The following EPHA6 variants were observed in gnomAD, a reference collection of about 807,000 sequenced individuals.
EPHA6 encodes EPH receptor A6.
Under a neutral mutation model 112.0 loss-of-function variants are expected in EPHA6, and 50 were observed. The observed-to-expected ratio is 0.45, with a 90% CI of 0.36 to 0.56. The LOEUF (loss-of-function observed/expected upper bound fraction) is 0.56. EPHA6 is among the 20% of genes least tolerant of loss of function. EPHA6 has a pLI of 0.00. For missense variants in EPHA6, 1,280 were observed against 1,417.4 expected (o/e 0.90, Z 1.56); for synonymous variants, 529 against 490.7 (o/e 1.08, Z -1.03).
In EPHA6 at chr3:97,687,455, T is replaced by C. The variant is rs537505472; in HGVS notation, c.2785-32806T>C. ...CAAACTGGAAGCAAGGTGTTTTTTT[T>C]CATTGGAAATTGTCAGAGATCGTAA... On this transcript the variant is annotated intron_variant, in intron 14 of 17. Transcript: ENST00000389672. 4.6e-5 allele frequency among the ~76,000 whole-genome samples: 7 copies of C among 152,326 alleles called. No homozygotes were observed. In the South Asian group the frequency reaches 6.2e-4, roughly 14 times the overall value.
chr3:96,996,424 G>A (rs1260441316), intron 3 of EPHA6, among the ~76,000 whole-genome samples: 1 of 152,038 alleles, frequency 6.6e-6, no homozygotes, highest in African/African-American at 2.4e-5. Context: ...TACTTTGCCG[G>A]ATCCATTGGA....
chr3:96,869,608 A>G (rs1011759606), intron 2 of EPHA6, among the ~76,000 whole-genome samples: 9 of 152,058 alleles, frequency 5.9e-5, no homozygotes, highest in African/African-American at 2.2e-4. Flanking sequence ...CACATTTTGC[A>G]AGACTTAGAA....
intron 4 of EPHA6, among the ~76,000 whole-genome samples, chr3:97,241,081 A>C (rs1441861210): frequency 6.6e-6 from 1 of 151,824 alleles, no homozygotes; most frequent in African/African-American, 2.4e-5. Context: ...CCTTGCTATA[A>C]GTATCTCGTA....
At chr3:97,639,535 A>T (rs115414997) in intron 14 of EPHA6, among the ~76,000 whole-genome samples, 2,365 of 152,242 alleles carry the variant, frequency 0.016, 70 homozygotes, top group African/African-American at 0.054. Context: ...TCTACTAAAA[A>T]ATAAAATATG....
chr3:97,628,700 G>T (rs1394533070), intron 13 of EPHA6, among the ~76,000 whole-genome samples: 1 of 151,944 alleles, frequency 6.6e-6, no homozygotes, highest in African/African-American at 2.4e-5. Flanking sequence ...AAATTAAAGA[G>T]ATCTTTTAAA....
At chr3:97,240,945 A>G (rs2078827962) in intron 4 of EPHA6, among the ~76,000 whole-genome samples, 3 of 151,862 alleles carry the variant, frequency 2.0e-5, no homozygotes, top group African/African-American at 4.8e-5. Flanking sequence ...ATGTTTAAAA[A>G]CAATTTACAT....
intron 3 of EPHA6, among the ~76,000 whole-genome samples, chr3:97,215,058 A>G (rs765487775): frequency 6.6e-6 from 1 of 152,212 alleles, no homozygotes; most frequent in South Asian, 2.1e-4. Flanking sequence ...AGGCTATTGA[A>G]CACCATGAGG....
chr3:96,981,164 C>G (rs1423380859), intron 2 of EPHA6, among the ~76,000 whole-genome samples: 1 of 152,060 alleles, frequency 6.6e-6, no homozygotes, highest in Admixed American at 6.6e-5. Flanking sequence ...TTTGCCCATT[C>G]AGTATGATAT....
At chr3:97,500,466 G>T (rs1419106242) in intron 10 of EPHA6, among the ~76,000 whole-genome samples, 2 of 152,002 alleles carry the variant, frequency 1.3e-5, no homozygotes, top group East Asian at 3.9e-4. Context: ...TGGAGGGGCA[G>T]GTGCTACATA....
At chr3:97,642,974 C>G (rs1576178351) in intron 14 of EPHA6, among the ~76,000 whole-genome samples, 2 of 150,466 alleles carry the variant, frequency 1.3e-5, no homozygotes, top group African/African-American at 4.9e-5. Flanking sequence ...AGAGCAACCC[C>G]AAGACACATA....
chr3:97,143,612 G>A (rs557332816), intron 3 of EPHA6, among the ~76,000 whole-genome samples: 18 of 151,828 alleles, frequency 1.2e-4, no homozygotes, highest in African/African-American at 4.3e-4. Context: ...CTAAACATGA[G>A]ATAGTAAAGT....
At chr3:96,879,335 CAT>C (rs1405752052) in intron 2 of EPHA6, among the ~76,000 whole-genome samples, 2 of 151,912 alleles carry the variant, frequency 1.3e-5, no homozygotes, top group Admixed American at 6.6e-5. Context: ...AAATGTATAA[CAT>C]ATCATTTTCA....
chr3:97,113,067 G>A (rs2047771848), intron 3 of EPHA6, among the ~76,000 whole-genome samples: 1 of 152,100 alleles, frequency 6.6e-6, no homozygotes, highest in Non-Finnish European at 1.5e-5. Context: ...TCTCTGCTAT[G>A]TGTCAGGCCC....
chr3:97,251,406 T>C (rs1180919155), intron 5 of EPHA6, among the ~76,000 whole-genome samples: 1 of 151,908 alleles, frequency 6.6e-6, no homozygotes, highest in Non-Finnish European at 1.5e-5. Flanking sequence ...TGCAGGCACC[T>C]GTAGTCCCAG....
chr3:96,814,642 C>G lies in EPHA6; in HGVS notation c.19C>G (p.Pro7Ala). The change falls in exon 1 of 18, where the codon CCA becomes GCA. Residue 7 changes from proline to alanine, a missense_variant. By Grantham distance (27) the Pro-to-Ala change is conservative. This residue lies in a region of EPHA6 where 220 missense variants were observed against 171.5 expected (regional missense o/e 1.28). Transcript: ENST00000389672. MQFPSP[P>A]AARSSPAPQA... ...GTGGTGGATGCAATTCCCCTCGCCT[C>G]CAGCCGCGAGGAGCTCCCCGGCGCC... 3 of 1,473,006 alleles carry G rather than the reference C, an allele frequency of 2.0e-6. No homozygotes were observed. Among genetic ancestry groups the G allele is most frequent in the Non-Finnish European group, 2.7e-6 (3 of 1,112,250 alleles). The allele number at this position is 1,473,006 out of a possible 1,614,324, so 91.2% of individuals were successfully genotyped here.
chr3:97,015,560 T>G (rs1421409970), intron 3 of EPHA6, among the ~76,000 whole-genome samples: 1 of 152,196 alleles, frequency 6.6e-6, no homozygotes, highest in Non-Finnish European at 1.5e-5. Flanking sequence ...ATCTCCAATT[T>G]TAATGTTAAA....
At chr3:97,555,723 T>C (rs1162119356) in intron 11 of EPHA6, among the ~76,000 whole-genome samples, 1 of 152,176 alleles carries the variant, frequency 6.6e-6, no homozygotes, top group Non-Finnish European at 1.5e-5. Context: ...CATAAGTGTC[T>C]TCTTTTGAGA....
rs574983680 is a variant in EPHA6 at position 97,189,186 on chromosome 3, A to G, written c.1115-37078A>G. Among the ~76,000 whole-genome samples the G allele has an allele frequency of 2.0e-5, 3 of 152,150 alleles. No homozygotes were observed. In the South Asian group the frequency reaches 6.2e-4, roughly 32 times the overall value. ...AGTACAATTTCTGTCTTTAAAAAAT[A>G]AATAATATTATCTACATTTTCAGGC... On this transcript the variant is annotated intron_variant, in intron 3 of 17. Transcript: ENST00000389672.
intron 15 of EPHA6, among the ~76,000 whole-genome samples, chr3:97,732,521 T>C (rs750333134): frequency 6.6e-6 from 1 of 152,096 alleles, no homozygotes; most frequent in East Asian, 1.9e-4. Flanking sequence ...AAGTGTTTAA[T>C]ATCTATCCGT....
Sources: gnomAD v4.1 joint callset for allele counts (sites outside exome capture counted in the v4.1 genomes callset) on GRCh38, gnomAD v4.1.1 for gene constraint, gnomAD v4.1.1 regional missense constraint, MANE v1.5 for transcripts, NCBI Gene and HGNC (gene_info 2026-07-23, HGNC 2026-07-21) for gene names.